SLC35F3: variants seen among roughly 807,000 people sequenced by gnomAD.
SLC35F3 encodes the protein putative thiamine transporter SLC35F3.
SLC35F3 carries 25 observed loss-of-function variants against 49.9 expected under a neutral mutation model. That is an observed-to-expected ratio of 0.50 (90% CI 0.37 to 0.70). SLC35F3 has a LOEUF of 0.70. Ranked by LOEUF, SLC35F3 falls within the 30% of genes least tolerant of loss-of-function variation. SLC35F3 has a pLI of 0.00. For synonymous variants in SLC35F3, 275 were observed against 265.4 expected, an observed-to-expected ratio of 1.04 and a Z score of -0.35; for missense variants, 525 against 639.8, an observed-to-expected ratio of 0.82 and a Z score of 1.94.
Position 234,214,539 on chromosome 1 carries a change from G to C in SLC35F3, c.284-16878G>C, listed in dbSNP as rs1667091720. 6.4e-7 allele frequency: 1 copy of C among 1,559,864 alleles called. No individual in the cohort carries two copies. The highest frequency in any genetic ancestry group is 8.7e-7 in the Non-Finnish European group (1 of 1,155,404). On this transcript the variant is annotated intron_variant, in intron 2 of 7. Coordinates refer to ENST00000366618, the MANE Select transcript of SLC35F3 (RefSeq NM_173508.4). The surrounding 1 kb of genome is among the most constrained non-coding windows in gnomAD (Gnocchi z 8.0). Reference sequence around the variant, plus strand: ...GCCCGGGTGGCCCCGCTCAGCGCCTGCAACAGTCCGGTCCTGACCCTTACC... The same window carrying C: ...GCCCGGGTGGCCCCGCTCAGCGCCTCCAACAGTCCGGTCCTGACCCTTACC...
chr1:234,055,665 G>C (rs1207059548), intron 2 of SLC35F3, among the ~76,000 whole-genome samples: 1 of 152,164 alleles, frequency 6.6e-6, no homozygotes, highest in Non-Finnish European at 1.5e-5. Context: ...CCCACTGTCT[G>C]ACAAGCCCCA....
At chr1:234,233,240 A>G (rs1572106939) in intron 3 of SLC35F3, among the ~76,000 whole-genome samples, 1 of 152,382 alleles carries the variant, frequency 6.6e-6, no homozygotes, top group East Asian at 1.9e-4. Flanking sequence ...TGTATTTAAC[A>G]GTTAAGTATC....
At chr1:234,175,422 G>A (rs977237264) in intron 2 of SLC35F3, among the ~76,000 whole-genome samples, 6 of 152,152 alleles carry the variant, frequency 3.9e-5, no homozygotes, top group African/African-American at 1.4e-4. Flanking sequence ...AAAAGGAGGA[G>A]GTTATTTAGA....
chr1:233,933,991 T>C (rs1662287228), intron 2 of SLC35F3, among the ~76,000 whole-genome samples: 1 of 152,194 alleles, frequency 6.6e-6, no homozygotes, highest in African/African-American at 2.4e-5. Context: ...CTCCTCTTTG[T>C]TTTCTACTCT....
At chr1:234,201,996 T>C (rs1666907533) in intron 2 of SLC35F3, among the ~76,000 whole-genome samples, 1 of 150,248 alleles carries the variant, frequency 6.7e-6, no homozygotes, top group Non-Finnish European at 1.5e-5. Context: ...TGCCCATCAA[T>C]GCTAGACTGA....
intron 2 of SLC35F3, among the ~76,000 whole-genome samples, chr1:233,968,269 A>G (rs2102815659): frequency 6.6e-6 from 1 of 152,254 alleles, no homozygotes; most frequent in Middle Eastern, 3.4e-3. Flanking sequence ...TTATAAGGAC[A>G]CAAATCATTT....
At chr1:234,260,694 G>T (rs1667889666) in intron 3 of SLC35F3, among the ~76,000 whole-genome samples, 1 of 152,120 alleles carries the variant, frequency 6.6e-6, no homozygotes, top group Non-Finnish European at 1.5e-5. Flanking sequence ...TATAGAAGGG[G>T]GATAACAAAC....
At chr1:234,322,961 G>A (rs1558110706) in intron 7 of SLC35F3, 47 bp from the exon 8 acceptor site, 1 of 1,557,348 alleles carries the variant, frequency 6.4e-7, no homozygotes, top group Non-Finnish European at 8.8e-7. Context: ...CCAGGGACAT[G>A]CCCCCAACCC....
chr1:233,956,960 A>G (rs1005666076), intron 2 of SLC35F3, among the ~76,000 whole-genome samples: 1 of 152,230 alleles, frequency 6.6e-6, no homozygotes, highest in African/African-American at 2.4e-5. Context: ...AGCCGTGACC[A>G]TGCATCATGC....
chr1:234,237,084 G>A (rs1340796455), intron 3 of SLC35F3, among the ~76,000 whole-genome samples: 2 of 151,224 alleles, frequency 1.3e-5, no homozygotes, highest in African/African-American at 4.9e-5. Context: ...AAGGACTTGG[G>A]GTGCCCGATC....
At chr1:234,094,215 GC>G (rs1357618080) in intron 2 of SLC35F3, among the ~76,000 whole-genome samples, 3 of 152,208 alleles carry the variant, frequency 2.0e-5, no homozygotes, top group African/African-American at 7.2e-5. Flanking sequence ...AAATTTAGAA[GC>G]CTATTTTCAT....
At chr1:234,232,790 G>A (rs1255454989) in intron 3 of SLC35F3, among the ~76,000 whole-genome samples, 1 of 152,080 alleles carries the variant, frequency 6.6e-6, no homozygotes, top group African/African-American at 2.4e-5. Flanking sequence ...AAGGAACAAA[G>A]AGGTTTGGAA....
At chr1:234,282,329 G>T (rs1194361694) in intron 3 of SLC35F3, among the ~76,000 whole-genome samples, 4 of 152,126 alleles carry the variant, frequency 2.6e-5, no homozygotes, top group African/African-American at 7.2e-5. Context: ...GAGCCTCTAG[G>T]CCCCTCCTAT....
intron 2 of SLC35F3, among the ~76,000 whole-genome samples, chr1:234,066,830 C>CACACACA (rs1664627223): frequency 5.2e-5 from 7 of 135,218 alleles, no homozygotes; most frequent in African/African-American, 2.0e-4. Flanking sequence ...CCTCTCTCTC[C>CACACACA]CACACACACA....
At chr1:234,071,941 A>G (rs1346995672) in intron 2 of SLC35F3, among the ~76,000 whole-genome samples, 1 of 152,236 alleles carries the variant, frequency 6.6e-6, no homozygotes, top group Non-Finnish European at 1.5e-5. Flanking sequence ...GGCACCATTT[A>G]CTGGCCTGGA....
At chr1:233,992,768 G>A (rs183475995) in intron 2 of SLC35F3, among the ~76,000 whole-genome samples, 13 of 152,278 alleles carry the variant, frequency 8.5e-5, no homozygotes, top group Non-Finnish European at 1.6e-4. Flanking sequence ...AGTTCATCTC[G>A]ATGGGGAATG....
At chr1:233,978,029 C>T (rs11580778) in intron 2 of SLC35F3, among the ~76,000 whole-genome samples, 14,933 of 152,168 alleles carry the variant, frequency 0.098, 1,253 homozygotes, top group African/African-American at 0.23. Context: ...ATCAGGTGTC[C>T]GGAAGCTATC....
At chr1:234,170,374 G>C (rs1666383424) in intron 2 of SLC35F3, among the ~76,000 whole-genome samples, 1 of 152,018 alleles carries the variant, frequency 6.6e-6, no homozygotes, top group South Asian at 2.1e-4. Flanking sequence ...CTGTCTCACT[G>C]TGCTGTCTCC....
intron 2 of SLC35F3, among the ~76,000 whole-genome samples, chr1:234,031,557 G>A (rs750200843): frequency 3.9e-5 from 6 of 152,062 alleles, no homozygotes; most frequent in Non-Finnish European, 7.4e-5. Context: ...TTTTGGGGGG[G>A]CATGGGGGAC....
Sources: allele counts gnomAD v4.1 joint callset (sites outside exome capture counted in the v4.1 genomes callset), GRCh38; gene constraint gnomAD v4.1.1; non-coding constraint Gnocchi (gnomAD v3.1); transcripts MANE v1.5; gene names NCBI Gene and HGNC (gene_info 2026-07-23, HGNC 2026-07-21).